The following PAK4 variants were observed in gnomAD, a reference collection of about 807,000 sequenced individuals.
PAK4 encodes the protein p21 (RAC1) activated kinase 4.
A neutral mutation model predicts 53.5 loss-of-function variants in PAK4; 49 were observed. The observed-to-expected ratio is 0.92, with a 90% confidence interval of 0.73 to 1.16. The LOEUF (loss-of-function observed/expected upper bound fraction) is 1.16. Among genes scored for constraint, PAK4 ranks in the 50% most tolerant of loss-of-function variants. The pLI, the probability that PAK4 is intolerant of heterozygous loss-of-function variation, is 0.00. For synonymous variants in PAK4, 376 were observed against 375.6 expected, an observed-to-expected ratio of 1.00 and a Z score of -0.01; for missense variants, 824 against 850.7, an observed-to-expected ratio of 0.97 and a Z score of 0.39.
rs1449697042 is a variant in PAK4 at position 39,178,827 on chromosome 19, T to TCCC, written c.*251_*253dup. ...GACCCCCACCCTCTGGGACAGGCCC[T>TCCC]CCCCCATGTTCTTCTGTCTCCAGGA... On this transcript the variant is annotated 3_prime_UTR_variant, in exon 9 of 9. Coordinates refer to ENST00000358301, the Ensembl canonical transcript of PAK4. This position sits in a 1 kb window ranked among gnomAD's most constrained non-coding sequence, Gnocchi z 4.4. 6 of 446,638 alleles carry TCCC rather than the reference T, an allele frequency of 1.3e-5. No homozygotes were observed. Among genetic ancestry groups the TCCC allele is most frequent in the African/African-American group, 8.4e-5 (4 of 47,588 alleles). 27.7% of individuals were successfully genotyped at this position (446,638 alleles called of 1,614,324 possible). A position where few individuals can be genotyped will look rare whatever the true frequency, so the allele number is the denominator to read the frequency against.
chr19:39,139,370 C>G (rs1042479276), intron 1 of PAK4, among the ~76,000 whole-genome samples: 1 of 152,088 alleles, frequency 6.6e-6, no homozygotes, highest in African/African-American at 2.4e-5. Flanking sequence ...TCGGGGTACC[C>G]AGCGGGATAA....
chr19:39,159,996 G>A (rs552774267), intron 1 of PAK4, among the ~76,000 whole-genome samples: 37 of 152,220 alleles, frequency 2.4e-4, no homozygotes, highest in Non-Finnish European at 4.4e-4. Context: ...GCCAGGATAC[G>A]CTGCCACTTC....
chr19:39,136,131 C>G (rs2073811218), intron 1 of PAK4, among the ~76,000 whole-genome samples: 1 of 131,106 alleles, frequency 7.6e-6, no homozygotes, highest in South Asian at 2.9e-4. Context: ...CCTCGTTACC[C>G]CCCTTCCTTG....
At chr19:39,139,240 C>G (rs1350254483) in intron 1 of PAK4, among the ~76,000 whole-genome samples, 2 of 152,114 alleles carry the variant, frequency 1.3e-5, no homozygotes, top group African/African-American at 4.8e-5. Flanking sequence ...TCCCTCCTGT[C>G]AGAGCTGGTG....
At chr19:39,154,568 CAGAG>C (rs905220504) in intron 1 of PAK4, among the ~76,000 whole-genome samples, 4 of 152,114 alleles carry the variant, frequency 2.6e-5, no homozygotes, top group Non-Finnish European at 2.9e-5. Flanking sequence ...ATTACAAAGA[CAGAG>C]AGAAGGAAAA....
At chr19:39,130,119 G>T (rs1203695031) in intron 1 of PAK4, among the ~76,000 whole-genome samples, 1 of 151,552 alleles carries the variant, frequency 6.6e-6, no homozygotes, top group Non-Finnish European at 1.5e-5. Context: ...AAGGGTCAGG[G>T]CGGGATGTGG....
chr19:39,132,325 C>T (rs1186098764), intron 1 of PAK4, among the ~76,000 whole-genome samples: 1 of 152,230 alleles, frequency 6.6e-6, no homozygotes, highest in Non-Finnish European at 1.5e-5. Flanking sequence ...CTCTTTCCCA[C>T]CCGCCTGCCA....
chr19:39,173,037 C>G lies in PAK4; in HGVS notation c.324C>G (p.Pro108=). 6.5e-7 allele frequency: 1 copy of G among 1,549,070 alleles called. No homozygotes were observed. Among genetic ancestry groups the G allele is most frequent in the South Asian group, 1.2e-5 (1 of 83,994 alleles). ...TGCGGAGAGACAGCCCGCCGCCGCCCGCCCGTGCCCGCCAGGAAAATGGGA... is the reference window on the plus strand; with the variant it reads ...TGCGGAGAGACAGCCCGCCGCCGCCGGCCCGTGCCCGCCAGGAAAATGGGA... The change falls in exon 3 of 9, where the codon CCC becomes CCG. Residue 108 remains proline, a synonymous_variant. Coordinates refer to ENST00000358301, the Ensembl canonical transcript of PAK4. This position sits in a 1 kb window ranked among gnomAD's most constrained non-coding sequence, Gnocchi z 6.9.
At position 39,173,325 on chromosome 19, in the gene PAK4, C is replaced by A; in HGVS notation, c.612C>A (p.Pro204=). Residue 204 remains proline, a synonymous_variant, in exon 3 of 9, where the codon CCC becomes CCA. Coordinates refer to ENST00000358301, the Ensembl canonical transcript of PAK4. This position sits in a 1 kb window ranked among gnomAD's most constrained non-coding sequence, Gnocchi z 6.9. ...GGGCGAAACTGGCAGCTGGCCGGCC[C>A]TTTAACACCTACCCGAGGGCTGACA... 1 of 1,586,416 alleles carries A rather than the reference C, an allele frequency of 6.3e-7. No individual in the cohort carries two copies. The highest frequency in any genetic ancestry group is 8.6e-7 in the Non-Finnish European group (1 of 1,165,506).
At position 39,166,538 on chromosome 19, in the gene PAK4, C is replaced by A. The variant is rs556619230; in HGVS notation, c.-22-2994C>A. Among the ~76,000 whole-genome samples the A allele has an allele frequency of 2.0e-5, 3 of 152,326 alleles. No homozygotes were observed. The South Asian group carries it at 6.2e-4, about 32-fold the overall frequency. ...GGCACAGCGTGGCTGAGTTGCTCAC[C>A]CAGGGCCACATATTGAGGTCCCCAG... is the stretch of plus-strand genomic sequence containing the variant. On this transcript the variant is annotated intron_variant, in intron 1 of 8. Coordinates refer to ENST00000358301, the Ensembl canonical transcript of PAK4.
At chr19:39,182,315 C>T (rs1406281152), downstream of PAK4, 1 of 152,266 alleles carries the variant, frequency 6.6e-6, no homozygotes, top group African/African-American at 2.4e-5. Flanking sequence ...CACGCAGCCT[C>T]ACCCAGAGGC....
chr19:39,127,828 G>A (rs1164452934), intron 1 of PAK4, among the ~76,000 whole-genome samples: 2 of 152,220 alleles, frequency 1.3e-5, no homozygotes, highest in African/African-American at 4.8e-5. Flanking sequence ...GGAAGGCTCT[G>A]AAGGATGGGG....
chr19:39,144,157 T>C (rs1453111005), intron 1 of PAK4, among the ~76,000 whole-genome samples: 87 of 42,944 alleles, frequency 2.0e-3, no homozygotes, highest in African/African-American at 5.6e-3. Context: ...GATAGATAGA[T>C]AGATTAGATT....
intron 1 of PAK4, among the ~76,000 whole-genome samples, chr19:39,167,552 G>T (rs1014849315): frequency 6.6e-6 from 1 of 152,164 alleles, no homozygotes; most frequent in African/African-American, 2.4e-5. Flanking sequence ...GAGGCCCCCC[G>T]TCCGCCCTCC....
At position 39,161,318 on chromosome 19, in the gene PAK4, G is replaced by A. The variant is rs1028798237; in HGVS notation, c.-22-8214G>A. The stretch of plus-strand genomic sequence containing the variant: ...TGTGTGAGGCAACGCTGAGGGCCCT[G>A]GAGGGAACGGACCTAGGCTGACTGC... On this transcript the variant is annotated intron_variant, in intron 1 of 8. Coordinates refer to ENST00000358301, the Ensembl canonical transcript of PAK4. This position sits in a 1 kb window ranked among gnomAD's most constrained non-coding sequence, Gnocchi z 4.5. 1.3e-5 allele frequency among the ~76,000 whole-genome samples: 2 copies of A among 152,360 alleles called. No individual in the cohort carries two copies. The highest frequency in any genetic ancestry group is 2.4e-5 in the African/African-American group (1 of 41,588).
chr19:39,162,764 A>G (rs1011901706), intron 1 of PAK4, among the ~76,000 whole-genome samples: 8 of 152,172 alleles, frequency 5.3e-5, no homozygotes, highest in Admixed American at 6.5e-5. Context: ...GTGCACTGCT[A>G]TGGGCCCCAG....
chr19:39,169,712 C>T lies in PAK4; in HGVS notation c.159C>T (p.Leu53=), dbSNP rs377525201. ...AGTCGGCTCGCCGGCCCAAGCCCCT[C>T]GTCGACCCCGCCTGCATCACCTCCA... Residue 53 remains leucine, a synonymous_variant, in exon 2 of 9, where the codon CTC becomes CTT. Transcript: ENST00000358301. The T allele has an allele frequency of 2.9e-5, 47 of 1,610,850 alleles. No homozygotes were observed. Among genetic ancestry groups the T allele is most frequent in the African/African-American group, 1.2e-4 (9 of 74,882 alleles).
At position 39,175,357 on chromosome 19, in the gene PAK4, G is replaced by C. The variant is rs374443098; in HGVS notation, c.1278G>C (p.Gln426His). ...CGGCCGTGTGCCTTGCAGTGCTGCA[G>C]GCCCTGTCGGTGCTCCACGCCCAGG... The change falls in exon 6 of 9, where the codon CAG (glutamine) becomes CAC (histidine). Residue 426 changes from glutamine (Q) to histidine (H), a missense_variant. Physicochemically the swap from Gln to His is conservative, Grantham distance 24 (BLOSUM62 0). Around this residue, in one of 2 missense-constraint regions of PAK4, gnomAD observed 346 missense variants for 415.0 expected, o/e 0.83. Transcript: ENST00000358301. The surrounding 1 kb of genome is among the most constrained non-coding windows in gnomAD (Gnocchi z 4.7). 7.5e-6 allele frequency: 12 copies of C among 1,603,974 alleles called. No individual in the cohort carries two copies. The African/African-American group carries it at 1.5e-4, about 20-fold the overall frequency.
intron 1 of PAK4, chr19:39,135,070 C>G (rs2073785405): frequency 6.6e-6 from 1 of 152,266 alleles, no homozygotes; most frequent in Non-Finnish European, 1.5e-5. Context: ...CGCTGCCACA[C>G]AGCCTCCCAA....
Sources: gnomAD v4.1 joint callset for allele counts (sites outside exome capture counted in the v4.1 genomes callset) on GRCh38, gnomAD v4.1.1 for gene constraint, gnomAD v4.1.1 regional missense constraint, Gnocchi (gnomAD v3.1) non-coding constraint, MANE v1.5 for transcripts, NCBI Gene and HGNC (gene_info 2026-07-23, HGNC 2026-07-21) for gene names.